The following LDLRAD3 variants were observed in gnomAD, a reference collection of about 807,000 sequenced individuals.
LDLRAD3 encodes the protein low-density lipoprotein receptor class A domain-containing protein 3.
LDLRAD3 carries 20 observed loss-of-function variants against 29.4 expected under a neutral mutation model. The ratio of observed to expected loss-of-function variants is 0.68; its 90% CI spans 0.48 to 0.99. LDLRAD3 has a LOEUF of 0.99. Ranked by LOEUF, LDLRAD3 falls within the 50% of genes least tolerant of loss-of-function variation. The probability of loss-of-function intolerance (pLI) is 0.00; values close to 1 mark genes in which losing one functional copy is unlikely to be tolerated. For missense variants in LDLRAD3, 420 were observed against 454.3 expected, an observed-to-expected ratio of 0.92 and a Z score of 0.69; for synonymous variants, 157 against 192.7, an observed-to-expected ratio of 0.81 and a Z score of 1.53.
chr11:36,099,719 G>A (rs761248258), intron 4 of LDLRAD3, among the ~76,000 whole-genome samples: 3 of 152,140 alleles, frequency 2.0e-5, no homozygotes, highest in East Asian at 3.9e-4. Flanking sequence ...AAAAATGAAC[G>A]AGTGAATGAA....
chr11:35,963,477 T>C (rs1223672337), intron 1 of LDLRAD3, among the ~76,000 whole-genome samples: 2 of 151,542 alleles, frequency 1.3e-5, no homozygotes, highest in East Asian at 3.9e-4. Context: ...CCCTAAAACC[T>C]CTAGTTTTAG....
At chr11:36,056,950 A>G (rs1852630271) in intron 2 of LDLRAD3, among the ~76,000 whole-genome samples, 1 of 152,160 alleles carries the variant, frequency 6.6e-6, no homozygotes, top group African/African-American at 2.4e-5. Flanking sequence ...CTGGCTCAGT[A>G]GGTATGTGGG....
intron 4 of LDLRAD3, among the ~76,000 whole-genome samples, chr11:36,103,404 A>T (rs1853480031): frequency 6.6e-6 from 1 of 151,662 alleles, no homozygotes; most frequent in Admixed American, 6.6e-5. Flanking sequence ...CGCCCAGCTA[A>T]TTTTTTTGTA....
At chr11:35,960,135 C>T (rs978394671) in intron 1 of LDLRAD3, among the ~76,000 whole-genome samples, 19 of 152,176 alleles carry the variant, frequency 1.2e-4, no homozygotes, top group South Asian at 2.1e-4. Context: ...AAATGGCCTA[C>T]GCTTCTGCAG....
Position 36,149,591 on chromosome 11 carries a change from A to G in LDLRAD3, c.454+51130A>G, listed in dbSNP as rs190900672. 5.8e-4 allele frequency among the ~76,000 whole-genome samples: 88 copies of G among 152,328 alleles called. 1 individual carries two copies. The highest frequency in any genetic ancestry group is 2.4e-3 in the Admixed American group (36 of 15,310). On this transcript the variant is annotated intron_variant, in intron 4 of 5. Transcript: ENST00000315571. ...GAGTTTGAATCTGTTCGCTGCTCCT[A>G]TCTACCTGTTGAAAATGTCAGAGCT... is the stretch of plus-strand genomic sequence containing the variant.
chr11:36,088,568 CT>C (rs1853230314), intron 3 of LDLRAD3, among the ~76,000 whole-genome samples: 1 of 152,198 alleles, frequency 6.6e-6, no homozygotes, highest in Admixed American at 6.5e-5. Context: ...CTCCACACTG[CT>C]GGCATATTTC....
chr11:36,102,221 C>T (rs536040031), intron 4 of LDLRAD3, among the ~76,000 whole-genome samples: 1 of 152,306 alleles, frequency 6.6e-6, no homozygotes, highest in African/African-American at 2.4e-5. Flanking sequence ...CTTTTTGATG[C>T]ACTGAGTACT....
Position 35,968,642 on chromosome 11 carries a change from G to A in LDLRAD3, c.46+24498G>A, listed in dbSNP as rs1851372044. 4 of 164,634 alleles carry A rather than the reference G, an allele frequency of 2.4e-5. No individual in the cohort carries two copies. In the Admixed American group the frequency reaches 2.5e-4, roughly 10 times the overall value. The allele number at this position is 164,634 out of a possible 1,614,324, so 10.2% of individuals were successfully genotyped here. A position where few individuals can be genotyped will look rare whatever the true frequency, so the allele number is the denominator to read the frequency against. On this transcript the variant is annotated intron_variant, in intron 1 of 5. Transcript: ENST00000315571. Reference sequence around the variant, plus strand: ...TGCTTTCTTTTGCCCTACATTCTGAGTCTCTTCTTCCAAACAGGAAAAGCT... The same window carrying A: ...TGCTTTCTTTTGCCCTACATTCTGAATCTCTTCTTCCAAACAGGAAAAGCT...
chr11:35,965,172 A>G (rs1027451383), intron 1 of LDLRAD3, among the ~76,000 whole-genome samples: 1 of 152,218 alleles, frequency 6.6e-6, no homozygotes, highest in African/African-American at 2.4e-5. Flanking sequence ...CTTTTATTTG[A>G]TCAGATGAGA....
intron 4 of LDLRAD3, among the ~76,000 whole-genome samples, chr11:36,112,989 C>T (rs1853625978): frequency 7.5e-6 from 1 of 132,624 alleles, no homozygotes; most frequent in South Asian, 2.5e-4. Flanking sequence ...GTCAGTCATA[C>T]ATGGAGTCAT....
Position 35,974,111 on chromosome 11 carries a change from T to C in LDLRAD3, c.46+29967T>C, listed in dbSNP as rs572517430. On this transcript the variant is annotated intron_variant, in intron 1 of 5. Coordinates refer to ENST00000315571, the MANE Select transcript of LDLRAD3 (RefSeq NM_174902.4). ...AGCCCTCTGTGATACAAGTTGCAGA[T>C]ATATTTTCTCTCTTAATCAGATTTA... Among the ~76,000 whole-genome samples the C allele has an allele frequency of 5.3e-5, 8 of 152,326 alleles. No individual in the cohort carries two copies. In the South Asian group the frequency reaches 1.5e-3, roughly 28 times the overall value.
At chr11:36,133,992 T>C (rs908744802) in intron 4 of LDLRAD3, among the ~76,000 whole-genome samples, 1 of 152,034 alleles carries the variant, frequency 6.6e-6, no homozygotes, top group South Asian at 2.1e-4. Flanking sequence ...ATAACATGTA[T>C]GTATACACAC....
chr11:36,056,558 C>T (rs929411726), intron 2 of LDLRAD3, among the ~76,000 whole-genome samples: 15 of 152,280 alleles, frequency 9.9e-5, no homozygotes, highest in South Asian at 4.1e-4. Flanking sequence ...GTGCACACCA[C>T]GGCAGGTCTG....
intron 1 of LDLRAD3, among the ~76,000 whole-genome samples, chr11:35,963,829 A>G (rs1851307597): frequency 6.6e-6 from 1 of 152,208 alleles, no homozygotes; most frequent in African/African-American, 2.4e-5. Context: ...GTATGGTTGG[A>G]TATGCAGAAC....
chr11:36,138,859 A>G (rs540396231), intron 4 of LDLRAD3, among the ~76,000 whole-genome samples: 13 of 152,246 alleles, frequency 8.5e-5, no homozygotes, highest in Non-Finnish European at 1.3e-4. Context: ...CTGCCTGTGC[A>G]GAGAGCACAG....
chr11:36,228,550 C>G (rs543326733), intron 5 of LDLRAD3, among the ~76,000 whole-genome samples: 8 of 152,344 alleles, frequency 5.3e-5, no homozygotes, highest in African/African-American at 1.9e-4. Flanking sequence ...TGCCCACCTC[C>G]CAGCATTCTT....
At chr11:35,999,399 CCGGAGAAA>C (rs1239562718) in intron 1 of LDLRAD3, among the ~76,000 whole-genome samples, 1 of 152,124 alleles carries the variant, frequency 6.6e-6, no homozygotes, top group Non-Finnish European at 1.5e-5. Context: ...GCCAGATTAC[CCGGAGAAA>C]CGGCGTTTAA....
intron 4 of LDLRAD3, among the ~76,000 whole-genome samples, chr11:36,214,256 G>A (rs1855322977): frequency 6.6e-6 from 1 of 152,124 alleles, no homozygotes. Flanking sequence ...CTTGACCCTT[G>A]GCAAATAAGA....
At chr11:36,226,308 G>A (rs966619958) in intron 4 of LDLRAD3, among the ~76,000 whole-genome samples, 4 of 152,110 alleles carry the variant, frequency 2.6e-5, no homozygotes, top group African/African-American at 9.7e-5. Context: ...TTGAGCCCAG[G>A]AGTTCCTGCT....
Sources: gnomAD v4.1 joint callset for allele counts (sites outside exome capture counted in the v4.1 genomes callset) on GRCh38, gnomAD v4.1.1 for gene constraint, MANE v1.5 for transcripts, NCBI Gene and HGNC (gene_info 2026-07-23, HGNC 2026-07-21) for gene names.